GRIK1: variants seen among roughly 807,000 people sequenced by gnomAD.
GRIK1 encodes the protein glutamate receptor ionotropic, kainate 1.
In GRIK1, 69 loss-of-function variants were observed where a neutral mutation model predicts 105.7. That is an observed-to-expected ratio of 0.65 (90% confidence interval 0.54 to 0.80). GRIK1 has a LOEUF of 0.80. Among genes scored for constraint, GRIK1 ranks in the 30% least tolerant of loss-of-function variants. GRIK1 has a pLI of 0.00. For missense variants in GRIK1, 1,109 were observed against 1,167.3 expected, an observed-to-expected ratio of 0.95 and a Z score of 0.73; for synonymous variants, 438 against 431.3, an observed-to-expected ratio of 1.02 and a Z score of -0.19.
chr21:29,791,218 T>TA (rs1477561457), intron 1 of GRIK1, among the ~76,000 whole-genome samples: 2 of 152,106 alleles, frequency 1.3e-5, no homozygotes, highest in Non-Finnish European at 2.9e-5. Context: ...ACGAGAAATT[T>TA]ATCCTCAGTG....
rs1393020011 is a variant in GRIK1, at chr21:29,883,023, GCTTTAA to G, written c.118+56354_118+56359del. Among the ~76,000 whole-genome samples the G allele has an allele frequency of 3.9e-5, 6 of 151,974 alleles. No homozygotes were observed. The East Asian group carries it at 1.2e-3, about 29-fold the overall frequency. ...TAACCTTAGTCATTACCTCCTTCAGGCTTTAACATAGTTCTGTGTTCATGGAATCGT... is the reference window on the plus strand; with the variant it reads ...TAACCTTAGTCATTACCTCCTTCAGGCATAGTTCTGTGTTCATGGAATCGT... On this transcript the variant is annotated intron_variant, in intron 1 of 17. Coordinates refer to ENST00000327783, the MANE Select transcript of GRIK1 (RefSeq NM_001330994.2).
chr21:29,798,594 A>T (rs998475267), intron 1 of GRIK1, among the ~76,000 whole-genome samples: 2 of 152,212 alleles, frequency 1.3e-5, no homozygotes, highest in African/African-American at 4.8e-5. Flanking sequence ...GACAACTACC[A>T]CAGTGCCTTT....
chr21:29,635,065 G>A (rs983027863), intron 7 of GRIK1, among the ~76,000 whole-genome samples: 1 of 152,156 alleles, frequency 6.6e-6, no homozygotes, highest in Non-Finnish European at 1.5e-5. Flanking sequence ...GGGCAAAGAA[G>A]GTTGAGAAAA....
intron 1 of GRIK1, among the ~76,000 whole-genome samples, chr21:29,738,201 T>C (rs1033751238): frequency 1.3e-5 from 2 of 152,248 alleles, no homozygotes; most frequent in Non-Finnish European, 2.9e-5. Flanking sequence ...ATTTTGCTGA[T>C]AGTGACTCAC....
intron 1 of GRIK1, among the ~76,000 whole-genome samples, chr21:29,767,863 CATGTGTGT>C (rs944984150): frequency 5.5e-5 from 5 of 91,570 alleles, no homozygotes; most frequent in African/African-American, 1.9e-4. Context: ...AGCTGAAATT[CATGTGTGT>C]GTGTGTGTGT....
chr21:29,647,785 C>T (rs1465809116), intron 6 of GRIK1, among the ~76,000 whole-genome samples: 1 of 152,178 alleles, frequency 6.6e-6, no homozygotes, highest in Non-Finnish European at 1.5e-5. Context: ...AAAATCACTC[C>T]AAACTTCTGT....
chr21:29,919,147 A>G (rs991475315), intron 1 of GRIK1, among the ~76,000 whole-genome samples: 8 of 152,074 alleles, frequency 5.3e-5, no homozygotes, highest in Non-Finnish European at 7.4e-5. Flanking sequence ...ACATGAAATC[A>G]ATAGAAAGGG....
chr21:29,867,115 T>G (rs146727272), intron 1 of GRIK1, among the ~76,000 whole-genome samples: 3 of 152,136 alleles, frequency 2.0e-5, no homozygotes, highest in Non-Finnish European at 4.4e-5. Context: ...TGGAAAACAC[T>G]CCATGTCTCT....
At chr21:29,930,804 T>A (rs894501731) in intron 1 of GRIK1, among the ~76,000 whole-genome samples, 19 of 152,334 alleles carry the variant, frequency 1.2e-4, no homozygotes, top group African/African-American at 4.6e-4. Context: ...CTTCAATGAT[T>A]TTTTCAACAT....
chr21:29,577,823 C>CTTTATTG (rs1475661833), intron 13 of GRIK1, among the ~76,000 whole-genome samples: 2 of 152,146 alleles, frequency 1.3e-5, no homozygotes, highest in Admixed American at 6.5e-5. Context: ...TTTTGTACTT[C>CTTTATTG]AATAAAATGC....
At chr21:29,571,943 G>A (rs1366888299) in intron 14 of GRIK1, among the ~76,000 whole-genome samples, 2 of 152,068 alleles carry the variant, frequency 1.3e-5, no homozygotes, top group East Asian at 3.9e-4. Flanking sequence ...AAACTGATCA[G>A]GATGCTCCAG....
intron 1 of GRIK1, among the ~76,000 whole-genome samples, chr21:29,876,425 T>A (rs2069193792): frequency 6.6e-6 from 1 of 152,192 alleles, no homozygotes; most frequent in Admixed American, 6.5e-5. Flanking sequence ...AAGTTCTGAA[T>A]GCTGTAATTA....
intron 1 of GRIK1, among the ~76,000 whole-genome samples, chr21:29,835,546 A>G (rs984999908): frequency 1.3e-5 from 2 of 152,188 alleles, no homozygotes; most frequent in Non-Finnish European, 2.9e-5. Flanking sequence ...TGAATCCCAC[A>G]ATCCCATAAT....
chr21:29,890,462 A>G lies in GRIK1; in HGVS notation c.118+48921T>C, dbSNP rs1004756092. Among the ~76,000 whole-genome samples, 9 of 152,148 alleles carry G rather than the reference A, an allele frequency of 5.9e-5. No homozygotes were observed. The East Asian group carries it at 9.6e-4, about 16-fold the overall frequency. The stretch of plus-strand genomic sequence containing the variant: ...TGTGCAGTCTCTTCATCAATACTCA[A>G]GGAATCAAGAAATCATCCAATAATG... On this transcript the variant is annotated intron_variant, in intron 1 of 17. Transcript: ENST00000327783.
chr21:29,923,454 T>C (rs2071255471), intron 1 of GRIK1, among the ~76,000 whole-genome samples: 1 of 152,198 alleles, frequency 6.6e-6, no homozygotes, highest in South Asian at 2.1e-4. Context: ...ATTTTACAGA[T>C]GTGACAGAAG....
At chr21:29,730,716 A>AT (rs1601549709) in intron 1 of GRIK1, among the ~76,000 whole-genome samples, 1 of 151,872 alleles carries the variant, frequency 6.6e-6, no homozygotes, top group East Asian at 1.9e-4. Context: ...TCATTTATTT[A>AT]TTTTACCATT....
At chr21:29,562,135 G>A (rs1421363740) in intron 14 of GRIK1, among the ~76,000 whole-genome samples, 1 of 152,146 alleles carries the variant, frequency 6.6e-6, no homozygotes, top group African/African-American at 2.4e-5. Flanking sequence ...CCAGGACTCT[G>A]TTCATTTCAT....
At chr21:29,830,345 ACACACACACACACACACT>A (rs1320932092) in intron 1 of GRIK1, among the ~76,000 whole-genome samples, 22 of 145,424 alleles carry the variant, frequency 1.5e-4, no homozygotes, top group African/African-American at 3.9e-4. Context: ...ACACACACAC[ACACACACACACACACACT>A]CACACACATA....
At chr21:29,657,399 T>A (rs2078829127) in intron 4 of GRIK1, 1 of 152,216 alleles carries the variant, frequency 6.6e-6, no homozygotes, top group Non-Finnish European at 1.5e-5. Flanking sequence ...TTCCTGGAGG[T>A]AAATATTCAT....
Sources: allele counts gnomAD v4.1 joint callset (sites outside exome capture counted in the v4.1 genomes callset), GRCh38; gene constraint gnomAD v4.1.1; transcripts MANE v1.5; gene names NCBI Gene and HGNC (gene_info 2026-07-23, HGNC 2026-07-21).